Variants in SGCD observed in about 807,000 individuals in gnomAD.
SGCD encodes delta-sarcoglycan.
Under a neutral mutation model 36.6 loss-of-function variants are expected in SGCD, and 18 were observed. The ratio of observed to expected loss-of-function variants is 0.49; its 90% CI spans 0.34 to 0.73. The LOEUF is 0.73. Among genes scored for constraint, SGCD ranks in the 30% least tolerant of loss-of-function variants. The probability of loss-of-function intolerance (pLI) is 0.01; values close to 1 mark genes in which losing one functional copy is unlikely to be tolerated. For synonymous variants in SGCD, 133 were observed against 130.6 expected, an observed-to-expected ratio of 1.02 and a Z score of -0.12; for missense variants, 387 against 346.7, an observed-to-expected ratio of 1.12 and a Z score of -0.92.
At chr5:156,590,601 A>T (rs1437900582) in intron 5 of SGCD, among the ~76,000 whole-genome samples, 1 of 152,184 alleles carries the variant, frequency 6.6e-6, no homozygotes, top group Non-Finnish European at 1.5e-5. Context: ...CCAGATTTTC[A>T]CATTCAAAAG....
the SGCD span, among the ~76,000 whole-genome samples, chr5:155,842,346 G>A: frequency 9.5e-3 from 1,429 of 151,190 alleles, 23 homozygotes; most frequent in African/African-American, 0.033. Context: ...AGACTGAGGT[G>A]GGTGGATCAC....
At chr5:156,591,989 A>G (rs1181696629) in intron 5 of SGCD, among the ~76,000 whole-genome samples, 32 of 152,098 alleles carry the variant, frequency 2.1e-4, no homozygotes, top group Non-Finnish European at 5.9e-5. Context: ...ATTCCACTTT[A>G]TGTTCTGTGA....
intron 1 of SGCD, among the ~76,000 whole-genome samples, chr5:155,983,908 C>G (rs1360930329): frequency 6.6e-6 from 1 of 152,094 alleles, no homozygotes; most frequent in Non-Finnish European, 1.5e-5. Context: ...CTGACATCCC[C>G]CTAATCTTGT....
intron 1 of SGCD, among the ~76,000 whole-genome samples, chr5:155,999,441 C>T (rs548310346): frequency 6.6e-6 from 1 of 152,300 alleles, no homozygotes; most frequent in South Asian, 2.1e-4. Flanking sequence ...CAAATCTGAT[C>T]CTTTTAAACT....
chr5:156,254,884 G>T (rs1295370641), intron 3 of SGCD, among the ~76,000 whole-genome samples: 2 of 151,898 alleles, frequency 1.3e-5, no homozygotes, highest in Admixed American at 6.6e-5. Flanking sequence ...TTTTGTAAAA[G>T]AAATTTATAA....
intron 4 of SGCD, among the ~76,000 whole-genome samples, chr5:156,539,827 A>G (rs990992723): frequency 6.6e-6 from 1 of 152,118 alleles, no homozygotes; most frequent in African/African-American, 2.4e-5. Flanking sequence ...GTTTCAAAGT[A>G]TATTCTTTAT....
At chr5:156,520,546 C>A (rs1757355562) in intron 4 of SGCD, among the ~76,000 whole-genome samples, 1 of 151,624 alleles carries the variant, frequency 6.6e-6, no homozygotes, top group African/African-American at 2.4e-5. Context: ...TTTTAAAATT[C>A]ATATGGAACC....
At chr5:155,813,531 G>A in the SGCD span, among the ~76,000 whole-genome samples, 1 of 152,164 alleles carries the variant, frequency 6.6e-6, no homozygotes, top group Non-Finnish European at 1.5e-5. Context: ...TATGATCACT[G>A]AGAAGTGATC....
chr5:155,841,443 C>T, the SGCD span, among the ~76,000 whole-genome samples: 2 of 152,102 alleles, frequency 1.3e-5, no homozygotes, highest in East Asian at 3.8e-4. Context: ...GAAATAATAC[C>T]TCATTGTAGT....
chr5:155,729,668 C>T, the SGCD span, among the ~76,000 whole-genome samples: 1 of 152,150 alleles, frequency 6.6e-6, no homozygotes, highest in South Asian at 2.1e-4. Flanking sequence ...GGGAACGGCT[C>T]CCTCCCCGAG....
the SGCD span, among the ~76,000 whole-genome samples, chr5:155,822,228 G>T: frequency 6.6e-6 from 1 of 152,120 alleles, no homozygotes; most frequent in South Asian, 2.1e-4. Flanking sequence ...AAATAATTAG[G>T]TGCACAGCCA....
chr5:156,009,162 C>T (rs143204569), intron 1 of SGCD, among the ~76,000 whole-genome samples: 2 of 152,284 alleles, frequency 1.3e-5, no homozygotes, highest in South Asian at 2.1e-4. Flanking sequence ...CTCTGTAAAA[C>T]ATTTATTGAC....
intron 4 of SGCD, among the ~76,000 whole-genome samples, chr5:156,528,718 C>T (rs1481221043): frequency 2.0e-5 from 3 of 152,166 alleles, no homozygotes; most frequent in Non-Finnish European, 4.4e-5. Flanking sequence ...TCTTTACGTA[C>T]TCTGCAGCTT....
At chr5:156,702,090 G>T (rs1754549931) in intron 7 of SGCD, among the ~76,000 whole-genome samples, 1 of 152,170 alleles carries the variant, frequency 6.6e-6, no homozygotes, top group Non-Finnish European at 1.5e-5. Context: ...TGAGGCTTAT[G>T]CAGGTAAAGT....
At chr5:156,463,838 C>CA (rs562383641) in intron 3 of SGCD, among the ~76,000 whole-genome samples, 110 of 151,910 alleles carry the variant, frequency 7.2e-4, no homozygotes, top group African/African-American at 2.6e-3. Flanking sequence ...CTCAAAAAAT[C>CA]AAAAAAATGA....
At chr5:156,255,942 G>A (rs1333900750) in intron 3 of SGCD, among the ~76,000 whole-genome samples, 3 of 151,990 alleles carry the variant, frequency 2.0e-5, no homozygotes, top group Admixed American at 1.3e-4. Context: ...ATAATTTTGA[G>A]ACTTCTTTGT....
At position 156,703,440 on chromosome 5, in the gene SGCD, C is replaced by G. The variant is rs141669748; in HGVS notation, c.576-54141C>G. The stretch of plus-strand genomic sequence containing the variant: ...CCTCTGCCTGGAATTTCCTTCCTAC[C>G]ACACGTTTATCTAAGTCATTCAACA... On this transcript the variant is annotated intron_variant, in intron 7 of 8. Transcript: ENST00000337851. Among the ~76,000 whole-genome samples the G allele has an allele frequency of 1.9e-3, 291 of 150,938 alleles. 2 individuals carry two copies. Among genetic ancestry groups the G allele is most frequent in the African/African-American group, 6.5e-3 (268 of 41,132 alleles).
chr5:155,916,239 G>C (rs1756733960), intron 1 of SGCD, among the ~76,000 whole-genome samples: 1 of 152,196 alleles, frequency 6.6e-6, no homozygotes, highest in Non-Finnish European at 1.5e-5. Flanking sequence ...TTAGAGACGA[G>C]TGAAAAATTT....
At chr5:156,278,679 T>C (rs533425306) in intron 3 of SGCD, among the ~76,000 whole-genome samples, 1 of 152,286 alleles carries the variant, frequency 6.6e-6, no homozygotes, top group African/African-American at 2.4e-5. Context: ...CTCTTGGAAA[T>C]TGTAGGATGC....
Sources: allele counts gnomAD v4.1 joint callset (sites outside exome capture counted in the v4.1 genomes callset), GRCh38; gene constraint gnomAD v4.1.1; transcripts MANE v1.5; gene names NCBI Gene and HGNC (gene_info 2026-07-23, HGNC 2026-07-21).